PAQR5: variants seen among roughly 807,000 people sequenced by gnomAD.
PAQR5 encodes progestin and adipoQ receptor family member 5.
PAQR5 carries 20 observed loss-of-function variants against 34.5 expected under a neutral mutation model. The observed-to-expected ratio is 0.58, with a 90% CI of 0.41 to 0.84. The LOEUF is 0.84. Among genes scored for constraint, PAQR5 ranks in the 40% least tolerant of loss-of-function variants. PAQR5 has a pLI of 0.00. For missense variants in PAQR5, 378 were observed against 412.7 expected, an observed-to-expected ratio of 0.92 and a Z score of 0.73; for synonymous variants, 131 against 155.6, an observed-to-expected ratio of 0.84 and a Z score of 1.18.
At chr15:69,318,693 C>T (rs1396376878) in intron 1 of PAQR5, among the ~76,000 whole-genome samples, 2 of 151,870 alleles carry the variant, frequency 1.3e-5, no homozygotes, top group African/African-American at 4.8e-5. Context: ...CAGTGGATGC[C>T]TGAAACCACA....
intron 1 of PAQR5, among the ~76,000 whole-genome samples, chr15:69,323,252 G>C (rs1211657025): frequency 6.6e-6 from 1 of 152,240 alleles, no homozygotes; most frequent in Non-Finnish European, 1.5e-5. Flanking sequence ...CTGGCGCACA[G>C]TGAGTGCTTG....
rs138540016 is a variant in PAQR5 at position 69,342,694 on chromosome 15, C to T, written c.-116+5193C>T. Among the ~76,000 whole-genome samples, 413 of 152,276 alleles carry T rather than the reference C, an allele frequency of 2.7e-3. 2 individuals carry two copies. Among genetic ancestry groups the T allele is most frequent in the Middle Eastern group, 0.024 (7 of 294 alleles). On this transcript the variant is annotated intron_variant, in intron 2 of 8. Coordinates refer to ENST00000395407, the MANE Select transcript of PAQR5 (RefSeq NM_017705.4). ...CAGTGATGGGATCAAGACTTGGCCT[C>T]ATTCACCTCCTGGGCTCTGTGCTGT...
At chr15:69,393,743 C>G (rs985139401) in intron 6 of PAQR5, among the ~76,000 whole-genome samples, 1 of 152,044 alleles carries the variant, frequency 6.6e-6, no homozygotes, top group Non-Finnish European at 1.5e-5. Flanking sequence ...GATGCTTGCC[C>G]GAAAATCAGG....
At chr15:69,380,513 G>C (rs1288962130) in intron 4 of PAQR5, 1 of 153,430 alleles carries the variant, frequency 6.5e-6, no homozygotes, top group Non-Finnish European at 1.5e-5. Context: ...ATCATTCTGG[G>C]AACCACGACA....
intron 1 of PAQR5, among the ~76,000 whole-genome samples, chr15:69,313,015 C>T (rs1036140979): frequency 6.6e-6 from 1 of 152,136 alleles, no homozygotes; most frequent in African/African-American, 2.4e-5. Context: ...AGTTATTTAC[C>T]TTTTTGAGAG....
chr15:69,337,920 T>TA (rs2054548427), intron 2 of PAQR5, among the ~76,000 whole-genome samples: 2 of 151,986 alleles, frequency 1.3e-5, no homozygotes, highest in South Asian at 4.2e-4. Flanking sequence ...ATTAAAAAAA[T>TA]ACAAAAATTA....
chr15:69,355,344 T>TTTTCTTTCTTTC (rs202183150), intron 2 of PAQR5, among the ~76,000 whole-genome samples: 38 of 56,214 alleles, frequency 6.8e-4, no homozygotes, highest in African/African-American at 2.5e-3. Flanking sequence ...TTCTTTCTTT[T>TTTTCTTTCTTTC]TTTCTTTCTT....
In PAQR5 at chr15:69,406,123, A is replaced by T. The variant is rs1476831410; in HGVS notation, c.*2301A>T. 1 of 152,176 alleles carries T rather than the reference A, an allele frequency of 6.6e-6. No homozygotes were observed. Among genetic ancestry groups the T allele is most frequent in the Non-Finnish European group, 1.5e-5 (1 of 68,032 alleles). 9.4% of individuals were successfully genotyped at this position (152,176 alleles called of 1,614,324 possible). A position where few individuals can be genotyped will look rare whatever the true frequency, so the allele number is the denominator to read the frequency against. On this transcript the variant is annotated 3_prime_UTR_variant, in exon 9 of 9. Transcript: ENST00000395407. ...CTCACTGGAGTGGGTCTTAATTTTT[A>T]AAAAGTGTCTCACTACATTTAAGAC... is the stretch of plus-strand genomic sequence containing the variant.
chr15:69,319,170 TATATATATA>T (rs2054029069), intron 1 of PAQR5, among the ~76,000 whole-genome samples: 26 of 135,196 alleles, frequency 1.9e-4, no homozygotes, highest in Non-Finnish European at 3.2e-4. Context: ...TATATATATA[TATATATATA>T]TATATATATA....
intron 4 of PAQR5, among the ~76,000 whole-genome samples, chr15:69,382,369 G>A (rs536208318): frequency 2.0e-5 from 3 of 152,138 alleles, no homozygotes; most frequent in South Asian, 2.1e-4. Context: ...ACAGGCGGCC[G>A]GGCGCAGTGG....
At chr15:69,303,298 G>T (rs761795365) in intron 1 of PAQR5, among the ~76,000 whole-genome samples, 126 of 151,540 alleles carry the variant, frequency 8.3e-4, no homozygotes, top group Non-Finnish European at 1.4e-3. Flanking sequence ...GTTGCTAGGG[G>T]TGCTTAAGAG....
At chr15:69,307,332 G>A (rs1250804513) in intron 1 of PAQR5, among the ~76,000 whole-genome samples, 1 of 152,208 alleles carries the variant, frequency 6.6e-6, no homozygotes, top group Non-Finnish European at 1.5e-5. Flanking sequence ...TGCGTGCCCA[G>A]AAGTGGAGTT....
chr15:69,360,248 G>A (rs1161672760), intron 3 of PAQR5, 117 bp downstream of exon 3: 2 of 668,900 alleles, frequency 3.0e-6, no homozygotes, highest in Non-Finnish European at 5.2e-6. Flanking sequence ...TTCCCTTCAA[G>A]GACCCCTTCC....
At chr15:69,377,224 G>T (rs2055731881) in intron 3 of PAQR5, among the ~76,000 whole-genome samples, 1 of 152,244 alleles carries the variant, frequency 6.6e-6, no homozygotes, top group Non-Finnish European at 1.5e-5. Flanking sequence ...AGCTTGAAAG[G>T]TAGAAGGATA....
intron 6 of PAQR5, among the ~76,000 whole-genome samples, chr15:69,393,088 C>A (rs186867958): frequency 2.6e-5 from 4 of 152,088 alleles, no homozygotes; most frequent in African/African-American, 9.6e-5. Context: ...GAAGTGGGAG[C>A]TGAGGGGAGA....
chr15:69,319,471 A>G (rs1238260147), intron 1 of PAQR5, among the ~76,000 whole-genome samples: 1 of 151,642 alleles, frequency 6.6e-6, no homozygotes, highest in Non-Finnish European at 1.5e-5. Context: ...TGGGCTGAGC[A>G]TGGGACTCAC....
chr15:69,321,895 C>G (rs2054104850), intron 1 of PAQR5, among the ~76,000 whole-genome samples: 2 of 152,050 alleles, frequency 1.3e-5, no homozygotes, highest in Non-Finnish European at 2.9e-5. Flanking sequence ...TCTGTCTTGA[C>G]CTGATGGAAA....
intron 4 of PAQR5, among the ~76,000 whole-genome samples, chr15:69,384,343 G>A (rs1305350451): frequency 4.9e-5 from 7 of 141,466 alleles, no homozygotes; most frequent in African/African-American, 1.9e-4. Flanking sequence ...ATCGCGGAGG[G>A]TGAGTGGGCC....
intron 1 of PAQR5, among the ~76,000 whole-genome samples, chr15:69,329,896 C>T (rs1193083402): frequency 6.6e-6 from 1 of 152,138 alleles, no homozygotes; most frequent in Non-Finnish European, 1.5e-5. Flanking sequence ...GTGGTAAATA[C>T]CACTGGCATT....
Sources: gnomAD v4.1 joint callset for allele counts (sites outside exome capture counted in the v4.1 genomes callset) on GRCh38, gnomAD v4.1.1 for gene constraint, MANE v1.5 for transcripts, NCBI Gene and HGNC (gene_info 2026-07-23, HGNC 2026-07-21) for gene names.